CELF4: variants seen among roughly 807,000 people sequenced by gnomAD.
CELF4 encodes the protein CUG-BP- and ETR-3-like factor 4.
In CELF4, 18 loss-of-function variants were observed where a neutral mutation model predicts 59.9. The observed-to-expected ratio is 0.30, with a 90% CI of 0.21 to 0.45. CELF4 has a LOEUF of 0.45. CELF4 is among the 20% of genes least tolerant of loss of function. The probability of loss-of-function intolerance (pLI) is 1.00; values close to 1 mark genes in which losing one functional copy is unlikely to be tolerated. For synonymous variants in CELF4, 261 were observed against 267.1 expected (o/e 0.98, Z 0.22); for missense variants, 456 against 689.0 (o/e 0.66, Z 3.79).
intron 2 of CELF4, among the ~76,000 whole-genome samples, chr18:37,346,683 G>A (rs79513994): frequency 0.012 from 1,829 of 152,258 alleles, 44 homozygotes; most frequent in African/African-American, 0.042. Flanking sequence ...TATTGAGGGC[G>A]AGGCTCGGGA....
intron 3 of CELF4, among the ~76,000 whole-genome samples, chr18:37,307,479 GT>G (rs2096471607): frequency 6.6e-6 from 1 of 151,554 alleles, no homozygotes; most frequent in Admixed American, 6.6e-5. Flanking sequence ...TCTTCCCCCC[GT>G]CCCCCGCTCC....
chr18:37,466,432 T>C (rs2099809251), intron 2 of CELF4, among the ~76,000 whole-genome samples: 1 of 151,156 alleles, frequency 6.6e-6, no homozygotes. Flanking sequence ...GGGGTGGGGA[T>C]GTGGGCGCAT....
At chr18:37,550,098 C>T (rs2099982709) in intron 1 of CELF4, among the ~76,000 whole-genome samples, 2 of 121,188 alleles carry the variant, frequency 1.7e-5, no homozygotes, top group South Asian at 2.7e-4. Context: ...GGGGGGGATC[C>T]GTGGGAAGAA....
intron 2 of CELF4, among the ~76,000 whole-genome samples, chr18:37,407,577 A>G (rs1005579008): frequency 7.0e-6 from 1 of 142,220 alleles, no homozygotes; most frequent in Non-Finnish European, 1.5e-5. Flanking sequence ...ATGTGTGTGT[A>G]TGTGTGTGGG....
At chr18:37,494,735 T>C (rs2154603619) in intron 1 of CELF4, among the ~76,000 whole-genome samples, 1 of 152,266 alleles carries the variant, frequency 6.6e-6, no homozygotes, top group East Asian at 1.9e-4. Flanking sequence ...ATGGCTATTT[T>C]TGGGCTCAGT....
intron 2 of CELF4, among the ~76,000 whole-genome samples, chr18:37,323,211 G>A (rs893086883): frequency 6.6e-6 from 1 of 152,040 alleles, no homozygotes; most frequent in Non-Finnish European, 1.5e-5. Context: ...GAGGCAGGAC[G>A]CAGCCGACAA....
intron 2 of CELF4, among the ~76,000 whole-genome samples, chr18:37,414,712 T>C (rs2099513017): frequency 6.6e-6 from 1 of 152,026 alleles, no homozygotes; most frequent in South Asian, 2.1e-4. Context: ...TTAGCCAGGA[T>C]GGTCTCAATC....
At chr18:37,341,677 C>G (rs756499814) in intron 2 of CELF4, among the ~76,000 whole-genome samples, 1 of 152,170 alleles carries the variant, frequency 6.6e-6, no homozygotes, top group African/African-American at 2.4e-5. Flanking sequence ...GGCTGCTGTC[C>G]AGCATGCTCC....
intron 3 of CELF4, among the ~76,000 whole-genome samples, chr18:37,304,335 A>G (rs2096263285): frequency 6.6e-6 from 1 of 152,186 alleles, no homozygotes; most frequent in African/African-American, 2.4e-5. Flanking sequence ...TGGGTGAGAC[A>G]CTGACCAGGC....
intron 1 of CELF4, among the ~76,000 whole-genome samples, chr18:37,544,029 C>T (rs1369438033): frequency 6.6e-6 from 1 of 152,098 alleles, no homozygotes; most frequent in Non-Finnish European, 1.5e-5. Flanking sequence ...GAGGGTACCC[C>T]AGGTGGGGGA....
chr18:37,387,032 AG>A (rs1201588915), intron 2 of CELF4, among the ~76,000 whole-genome samples: 1 of 152,238 alleles, frequency 6.6e-6, no homozygotes, highest in Non-Finnish European at 1.5e-5. Context: ...CACGGGGCTG[AG>A]CCTGCTGCGC....
At chr18:37,508,716 G>A (rs1006830120) in intron 1 of CELF4, among the ~76,000 whole-genome samples, 1 of 152,254 alleles carries the variant, frequency 6.6e-6, no homozygotes, top group Non-Finnish European at 1.5e-5. Flanking sequence ...CTGGGGGCCT[G>A]AAGCCCCCCT....
chr18:37,308,957 G>C (rs4799444), intron 3 of CELF4, among the ~76,000 whole-genome samples: 68,972 of 151,942 alleles, frequency 0.45, 15,878 homozygotes, highest in South Asian at 0.57. Flanking sequence ...CTGCTGGCTG[G>C]GCTTGCACCT....
chr18:37,278,866 C>T (rs981453293), intron 3 of CELF4, among the ~76,000 whole-genome samples: 1 of 152,206 alleles, frequency 6.6e-6, no homozygotes, highest in Non-Finnish European at 1.5e-5. Flanking sequence ...GACAACATCT[C>T]CCTGTCTCCC....
Position 37,463,246 on chromosome 18 carries a change from G to A in CELF4, c.369+22279C>T, listed in dbSNP as rs117787510. The stretch of plus-strand genomic sequence containing the variant: ...CCCTCCTGAGAGTTCAGAGCTTTGT[G>A]TGACTGAGCCTCACATGTCCATGGC... On this transcript the variant is annotated intron_variant, in intron 2 of 12. Coordinates refer to ENST00000420428, the MANE Select transcript of CELF4 (RefSeq NM_020180.4). Among the ~76,000 whole-genome samples the A allele has an allele frequency of 7.9e-5, 12 of 152,250 alleles. No homozygotes were observed. In the East Asian group the frequency reaches 2.3e-3, roughly 30 times the overall value.
At chr18:37,337,661 T>G (rs989680589) in intron 2 of CELF4, among the ~76,000 whole-genome samples, 2 of 152,196 alleles carry the variant, frequency 1.3e-5, no homozygotes, top group Non-Finnish European at 2.9e-5. Context: ...TCGGAAGTCA[T>G]GTTCCCATCA....
rs924155033 is a variant in CELF4, at chr18:37,391,762, G to T, written c.370-69881C>A. Among the ~76,000 whole-genome samples the T allele has an allele frequency of 1.4e-4, 21 of 152,344 alleles. No homozygotes were observed. The East Asian group carries it at 4.1e-3, about 29-fold the overall frequency. On this transcript the variant is annotated intron_variant, in intron 2 of 12. Coordinates refer to ENST00000420428, the MANE Select transcript of CELF4 (RefSeq NM_020180.4). ...ATTGTCAGAGAGGATGCCACCAAGG[G>T]CAGATGGCAGGACACTGAGTGTCTG...
chr18:37,409,012 C>G (rs2154591712), intron 2 of CELF4, among the ~76,000 whole-genome samples: 1 of 152,322 alleles, frequency 6.6e-6, no homozygotes, highest in East Asian at 1.9e-4. Context: ...TATGGGTTGA[C>G]TGAATGACTC....
At chr18:37,342,396 T>A (rs944753291) in intron 2 of CELF4, among the ~76,000 whole-genome samples, 3 of 152,164 alleles carry the variant, frequency 2.0e-5, no homozygotes, top group African/African-American at 7.2e-5. Flanking sequence ...TGGAACAGTC[T>A]GAGAGCCGGG....
Sources: gnomAD v4.1 joint callset for allele counts (sites outside exome capture counted in the v4.1 genomes callset) on GRCh38, gnomAD v4.1.1 for gene constraint, MANE v1.5 for transcripts, NCBI Gene and HGNC (gene_info 2026-07-23, HGNC 2026-07-21) for gene names.